Variants in HERC5 observed in about 807,000 individuals in gnomAD.
The protein encoded by HERC5 is HECT and RLD domain containing E3 ubiquitin protein ligase 5.
In HERC5, 99 loss-of-function variants were observed where a neutral mutation model predicts 119.6. The ratio of observed to expected loss-of-function variants is 0.83; its 90% CI spans 0.70 to 0.98. The LOEUF is 0.98. HERC5 is among the 50% of genes least tolerant of loss of function. HERC5 has a pLI of 0.00. For synonymous variants in HERC5, 478 were observed against 445.9 expected (o/e 1.07, Z -0.91); for missense variants, 1,267 against 1,241.3 (o/e 1.02, Z -0.31).
rs775654623 is a variant in HERC5 at position 88,460,850 on chromosome 4, C to A, written c.466+679C>A. ...CAAAAAAACTTAAAAATTAGCTGGG[C>A]ATGGTGGCTTCCACCTGTAGTCCCA... On this transcript the variant is annotated intron_variant, in intron 3 of 22. Coordinates refer to ENST00000264350, the MANE Select transcript of HERC5 (RefSeq NM_016323.4). Among the ~76,000 whole-genome samples the A allele has an allele frequency of 3.9e-5, 6 of 152,148 alleles. No individual in the cohort carries two copies. The South Asian group carries it at 8.3e-4, about 21-fold the overall frequency.
chr4:88,466,798 C>T (rs1219271550), intron 6 of HERC5, among the ~76,000 whole-genome samples: 1 of 152,172 alleles, frequency 6.6e-6, no homozygotes, highest in Non-Finnish European at 1.5e-5. Context: ...GAAAAATGAG[C>T]AGAGGGCAAG....
intron 11 of HERC5, chr4:88,473,885 A>T (rs556705151): frequency 6.6e-6 from 1 of 152,186 alleles, no homozygotes; most frequent in Non-Finnish European, 1.5e-5. Context: ...CAAAAAGAAC[A>T]TATGGTATGT....
At chr4:88,484,389 T>TA (rs912989864) in intron 13 of HERC5, among the ~76,000 whole-genome samples, 25 of 152,210 alleles carry the variant, frequency 1.6e-4, no homozygotes, top group African/African-American at 6.0e-4. Context: ...CTTTTGGAAT[T>TA]ACTTGAGGGC....
In HERC5 at chr4:88,475,764, C is replaced by G. The variant is rs543404922; in HGVS notation, c.1393-77C>G. 4 of 1,198,196 alleles carry G rather than the reference C, an allele frequency of 3.3e-6. No individual in the cohort carries two copies. The South Asian group carries it at 5.1e-5, about 15-fold the overall frequency. 74.2% of individuals were successfully genotyped at this position (1,198,196 alleles called of 1,614,324 possible). On this transcript the variant is annotated intron_variant, in intron 11 of 22. Coordinates refer to ENST00000264350, the MANE Select transcript of HERC5 (RefSeq NM_016323.4). ...TAGAATGACATTCCAGCCTCTACAC[C>G]TTGTTTTATTACCATCAGTTGCACC...
chr4:88,491,049 G>A (rs1347800560), intron 16 of HERC5, among the ~76,000 whole-genome samples: 3 of 152,110 alleles, frequency 2.0e-5, no homozygotes, highest in Non-Finnish European at 4.4e-5. Flanking sequence ...TGCAGGCTCT[G>A]TGTGAGGCAT....
chr4:88,467,035 A>T, intron 6 of HERC5, 24 bp from the exon 7 acceptor site: 1 of 1,611,868 alleles, frequency 6.2e-7, no homozygotes, highest in Non-Finnish European at 8.5e-7. Flanking sequence ...TTAAGAATTG[A>T]CCATATGTGC....
chr4:88,480,014 C>T (rs993875241), intron 13 of HERC5, among the ~76,000 whole-genome samples: 2 of 146,600 alleles, frequency 1.4e-5, no homozygotes, highest in Admixed American at 7.0e-5. Flanking sequence ...TTGCAGTGAG[C>T]AGAGATCGCG....
At chr4:88,475,125 T>G (rs1741011905) in intron 11 of HERC5, among the ~76,000 whole-genome samples, 1 of 151,140 alleles carries the variant, frequency 6.6e-6, no homozygotes. Context: ...GTCTTTTTTT[T>G]TTTTTTTTGC....
Position 88,493,115 on chromosome 4 carries a change from T to G in HERC5, c.2237T>G (p.Met746Arg), listed in dbSNP as rs778807481. The change falls in exon 17 of 23, where the codon ATG becomes AGG. Residue 746 changes from methionine to arginine, a missense_variant. By Grantham distance (91) the Met-to-Arg change is moderately conservative. Around this residue, in one of 3 missense-constraint regions of HERC5, gnomAD observed 473 missense variants for 445.7 expected, o/e 1.06. Transcript: ENST00000264350. The part of the protein sequence containing the change: ...EMIQPEYGMF[M>R]YPEGASCMWF... ...ATCCAGCCGGAATATGGGATGTTCA[T>G]GTATCCTGAAGGGGCTTCCTGCATG... 1 of 1,614,118 alleles carries G rather than the reference T, an allele frequency of 6.2e-7. No individual in the cohort carries two copies. Among genetic ancestry groups the G allele is most frequent in the Non-Finnish European group, 8.5e-7 (1 of 1,179,992 alleles).
At position 88,504,584 on chromosome 4, in the gene HERC5, G is replaced by T; in HGVS notation, c.2856G>T (p.Lys952Asn). 6.4e-7 allele frequency: 1 copy of T among 1,555,132 alleles called. No individual in the cohort carries two copies. The highest frequency in any genetic ancestry group is 8.7e-7 in the Non-Finnish European group (1 of 1,154,604). The change falls in exon 22 of 23, where the codon AAG (lysine) becomes AAT (asparagine). Residue 952 changes from lysine to asparagine, a missense_variant. Transcript: ENST00000264350. ...KAFHKLTLEE[K>N]KKFLVFLTGT... The stretch of plus-strand genomic sequence containing the variant: ...TCCACAAATTGACTCTGGAAGAAAA[G>T]AAAAAATTCCTTGGTAAGTATTATA...
In HERC5 at chr4:88,457,395, CCACCGCGCGCTG is replaced by C; in HGVS notation, c.128_139del (p.His43_Leu46del). The C allele has an allele frequency of 7.1e-7, 1 of 1,399,962 alleles. No homozygotes were observed. Among genetic ancestry groups the C allele is most frequent in the Non-Finnish European group, 9.3e-7 (1 of 1,078,844 alleles). The allele number at this position is 1,399,962 out of a possible 1,614,324, so 86.7% of individuals were successfully genotyped here. On this transcript the variant is annotated inframe_deletion, in exon 1 of 23. Transcript: ENST00000264350. ...GGCTCTTTCCCAGCGCCGCGGGCCT[CCACCGCGCGCTG>C]CTCCGGAGGGTGGAGGTGACGCGCC...
chr4:88,489,875 G>C (rs908518201), intron 16 of HERC5, among the ~76,000 whole-genome samples: 1 of 152,068 alleles, frequency 6.6e-6, no homozygotes, highest in African/African-American at 2.4e-5. Flanking sequence ...CGTGTGTGGT[G>C]GTGGGTGCCT....
intron 14 of HERC5, 142 bp downstream of exon 14, chr4:88,486,370 GT>G: frequency 1.8e-6 from 1 of 548,010 alleles, no homozygotes; most frequent in South Asian, 2.9e-5. Context: ...CAATTTTGCA[GT>G]CAGAGTTCCA....
intron 4 of HERC5, 26 bp downstream of exon 4, chr4:88,462,382 A>G (rs371787396): frequency 8.3e-6 from 13 of 1,572,866 alleles, no homozygotes; most frequent in Admixed American, 3.3e-5. Flanking sequence ...TCAGATTCCT[A>G]TTACCAACAG....
intron 11 of HERC5, 103 bp from the exon 12 acceptor site, chr4:88,475,738 G>A: frequency 2.1e-6 from 2 of 942,922 alleles, no homozygotes; most frequent in Non-Finnish European, 1.7e-6. Flanking sequence ...TCATTTAGTA[G>A]TAGAATGACA....
intron 19 of HERC5, among the ~76,000 whole-genome samples, chr4:88,500,353 T>G (rs774726426): frequency 2.0e-5 from 3 of 152,230 alleles, no homozygotes; most frequent in Non-Finnish European, 4.4e-5. Flanking sequence ...CATTCTCCAA[T>G]AGGCTAGCTG....
At chr4:88,493,955 T>G (rs905880821) in intron 17 of HERC5, among the ~76,000 whole-genome samples, 3 of 143,966 alleles carry the variant, frequency 2.1e-5, no homozygotes, top group Non-Finnish European at 4.6e-5. Flanking sequence ...GCAAAAGTAA[T>G]TGCAGGTTTT....
Position 88,479,972 on chromosome 4 carries a change from C to T in HERC5, c.1737+465C>T, listed in dbSNP as rs530821896. On this transcript the variant is annotated intron_variant, in intron 13 of 22. Transcript: ENST00000264350. ...GTCCCAGCTACTCGGGAGGCTGAGG[C>T]AGGAGAATGGCGTGAACCCGGGAGG... 6.7e-4 allele frequency among the ~76,000 whole-genome samples: 100 copies of T among 150,006 alleles called. No homozygotes were observed. The Middle Eastern group carries it at 0.014, about 21-fold the overall frequency.
Position 88,457,438 on chromosome 4 carries a change from T to A in HERC5, c.169T>A (p.Cys57Ser). Residue 57 changes from cysteine to serine, a missense_variant, in exon 1 of 23, where the codon TGC becomes AGC. Coordinates refer to ENST00000264350, the MANE Select transcript of HERC5 (RefSeq NM_016323.4). ...GAGGGTGGAGGTGACGCGCCAACTCTGCTGCTCGCCGGGGCGCCTCGCGGT... is the reference window on the plus strand; with the variant it reads ...GAGGGTGGAGGTGACGCGCCAACTCAGCTGCTCGCCGGGGCGCCTCGCGGT... The part of the protein sequence containing the change: ...LRRVEVTRQL[C>S]CSPGRLAVLE... 7.4e-7 allele frequency: 1 copy of A among 1,352,302 alleles called. No individual in the cohort carries two copies. The highest frequency in any genetic ancestry group is 9.5e-7 in the Non-Finnish European group (1 of 1,055,676). The allele number at this position is 1,352,302 out of a possible 1,614,324, so 83.8% of individuals were successfully genotyped here.
Sources: gnomAD v4.1 joint callset for allele counts (sites outside exome capture counted in the v4.1 genomes callset) on GRCh38, gnomAD v4.1.1 for gene constraint, gnomAD v4.1.1 regional missense constraint, MANE v1.5 for transcripts, NCBI Gene and HGNC (gene_info 2026-07-23, HGNC 2026-07-21) for gene names.